ZNF804B: variants seen among roughly 807,000 people sequenced by gnomAD.
The protein encoded by ZNF804B is zinc finger protein 804B.
ZNF804B carries 80 observed loss-of-function variants against 101.4 expected under a neutral mutation model. The observed-to-expected ratio is 0.79, with a 90% CI of 0.66 to 0.95. The LOEUF is 0.95. Among genes scored for constraint, ZNF804B ranks in the 40% least tolerant of loss-of-function variants. The pLI is 0.00. For synonymous variants in ZNF804B, 622 were observed against 558.8 expected (o/e 1.11, Z -1.59); for missense variants, 1,673 against 1,561.9 (o/e 1.07, Z -1.20).
intron 1 of ZNF804B, among the ~76,000 whole-genome samples, chr7:88,923,261 C>A (rs977374971): frequency 6.6e-6 from 1 of 152,014 alleles, no homozygotes; most frequent in Non-Finnish European, 1.5e-5. Flanking sequence ...TTGGGGGTAT[C>A]TGCCATAGAA....
chr7:88,768,444 G>T (rs7802122), intron 1 of ZNF804B, among the ~76,000 whole-genome samples: 1 of 152,044 alleles, frequency 6.6e-6, no homozygotes, highest in Non-Finnish European at 1.5e-5. Flanking sequence ...TTGGCTAGGC[G>T]CAGTGGCTCA....
chr7:88,865,165 T>C (rs1332794528), intron 1 of ZNF804B, among the ~76,000 whole-genome samples: 2 of 150,536 alleles, frequency 1.3e-5, no homozygotes, highest in Non-Finnish European at 3.0e-5. Flanking sequence ...GAGGCGAAGG[T>C]TGTGGTGAGT....
chr7:89,329,653 T>C (rs929335738), intron 3 of ZNF804B, among the ~76,000 whole-genome samples: 6 of 151,630 alleles, frequency 4.0e-5, no homozygotes, highest in Admixed American at 2.0e-4. Flanking sequence ...GCCAACCTGT[T>C]TCCTCAGCAA....
At chr7:88,976,808 G>A (rs1793620683) in intron 1 of ZNF804B, among the ~76,000 whole-genome samples, 1 of 151,502 alleles carries the variant, frequency 6.6e-6, no homozygotes, top group Non-Finnish European at 1.5e-5. Flanking sequence ...TCTGTTTCAG[G>A]TTTCATATAT....
At chr7:89,280,088 C>T (rs541667900) in intron 2 of ZNF804B, among the ~76,000 whole-genome samples, 80 of 152,258 alleles carry the variant, frequency 5.3e-4, no homozygotes, top group African/African-American at 1.9e-3. Context: ...CAAACTAGAA[C>T]TCGGGATTAA....
At chr7:88,944,555 T>A (rs10239045) in intron 1 of ZNF804B, among the ~76,000 whole-genome samples, 14,808 of 151,480 alleles carry the variant, frequency 0.098, 966 homozygotes, top group East Asian at 0.2. Flanking sequence ...CAACTGCAGA[T>A]GGAAAATATT....
intron 1 of ZNF804B, among the ~76,000 whole-genome samples, chr7:88,817,389 TA>T (rs957985353): frequency 1.4e-4 from 21 of 151,354 alleles, no homozygotes; most frequent in East Asian, 1.9e-4. Context: ...ATAAAAAAAT[TA>T]AAAAAAAATT....
chr7:89,255,575 A>G (rs1354172460), intron 2 of ZNF804B, among the ~76,000 whole-genome samples: 2 of 152,182 alleles, frequency 1.3e-5, no homozygotes, highest in Non-Finnish European at 2.9e-5. Context: ...ACAATAAAAT[A>G]AAATTGGACT....
intron 1 of ZNF804B, among the ~76,000 whole-genome samples, chr7:89,206,318 C>T (rs572000662): frequency 1.8e-4 from 27 of 152,360 alleles, no homozygotes; most frequent in African/African-American, 6.3e-4. Context: ...CAAATTTCTG[C>T]AGCCAGCTTG....
In ZNF804B at chr7:89,333,592, C is replaced by G. The variant is rs1260815456; in HGVS notation, c.610C>G (p.Leu204Val). ...GCGTTGTTTGTTTGGAAATCAGGTA[C>G]TGCAAACATCTTCAGATCTCAGCAA... ...DRRCLFGNQVLQTSSDLSNAN... is the reference protein window; with the variant it reads ...DRRCLFGNQVVQTSSDLSNAN... The change falls in exon 4 of 4, where the codon CTG (leucine) becomes GTG (valine). Residue 204 changes from leucine to valine, a missense_variant. By Grantham distance (32) the Leu-to-Val change is conservative. Coordinates refer to ENST00000333190, the MANE Select transcript of ZNF804B (RefSeq NM_181646.5). The G allele has an allele frequency of 6.2e-7, 1 of 1,613,576 alleles. No individual in the cohort carries two copies. Among genetic ancestry groups the G allele is most frequent in the Admixed American group, 1.7e-5 (1 of 59,908 alleles).
intron 2 of ZNF804B, among the ~76,000 whole-genome samples, chr7:89,253,540 A>G (rs1429562355): frequency 6.6e-6 from 1 of 152,182 alleles, no homozygotes; most frequent in Non-Finnish European, 1.5e-5. Context: ...CAGAAGAAAT[A>G]GTAAACCTTA....
chr7:88,915,878 A>G (rs1249603441), intron 1 of ZNF804B, among the ~76,000 whole-genome samples: 1 of 151,964 alleles, frequency 6.6e-6, no homozygotes, highest in Non-Finnish European at 1.5e-5. Flanking sequence ...ATTTAAAATC[A>G]TGTATTTAAA....
At chr7:89,300,387 A>G (rs917912508) in intron 2 of ZNF804B, among the ~76,000 whole-genome samples, 1 of 151,304 alleles carries the variant, frequency 6.6e-6, no homozygotes, top group African/African-American at 2.4e-5. Flanking sequence ...GGAACACTCT[A>G]CAGCAGCTTT....
chr7:88,772,018 A>G (rs1040114815), intron 1 of ZNF804B, among the ~76,000 whole-genome samples: 1 of 152,172 alleles, frequency 6.6e-6, no homozygotes, highest in Non-Finnish European at 1.5e-5. Flanking sequence ...TAAAATACAA[A>G]TTTTTGTCAC....
intron 1 of ZNF804B, among the ~76,000 whole-genome samples, chr7:89,127,733 A>G (rs1030278903): frequency 6.6e-6 from 1 of 151,546 alleles, no homozygotes; most frequent in African/African-American, 2.4e-5. Flanking sequence ...AATATAATTA[A>G]TATATTTAAT....
intron 1 of ZNF804B, among the ~76,000 whole-genome samples, chr7:88,833,708 G>A (rs950114152): frequency 2.0e-5 from 3 of 151,866 alleles, no homozygotes; most frequent in Non-Finnish European, 4.4e-5. Context: ...CCTCATGTGA[G>A]AAAGCCAAGC....
rs538836950 is a variant in ZNF804B, at chr7:89,023,445, G to T, written c.109-194710G>T. ...GAAAATACCACAAATACTTTGCTCT[G>T]TTGGTGGTATAGAAATAAAATAAGA... On this transcript the variant is annotated intron_variant, in intron 1 of 3. Transcript: ENST00000333190. 3.9e-5 allele frequency among the ~76,000 whole-genome samples: 6 copies of T among 152,304 alleles called. No homozygotes were observed. The South Asian group carries it at 1.2e-3, about 32-fold the overall frequency.
chr7:89,189,019 G>A (rs1788415986), intron 1 of ZNF804B, among the ~76,000 whole-genome samples: 1 of 152,142 alleles, frequency 6.6e-6, no homozygotes. Flanking sequence ...TCTATTGGAA[G>A]AAGATACCAT....
chr7:88,813,763 C>A (rs1790830444), intron 1 of ZNF804B, among the ~76,000 whole-genome samples: 1 of 152,120 alleles, frequency 6.6e-6, no homozygotes. Flanking sequence ...TTCTTAAGAT[C>A]CACATAAACT....
Sources: allele counts gnomAD v4.1 joint callset (sites outside exome capture counted in the v4.1 genomes callset), GRCh38; gene constraint gnomAD v4.1.1; transcripts MANE v1.5; gene names NCBI Gene and HGNC (gene_info 2026-07-23, HGNC 2026-07-21).